Variants in PIK3C2G observed in about 807,000 individuals in gnomAD.
The protein encoded by PIK3C2G is phosphatidylinositol-4-phosphate 3-kinase catalytic subunit type 2 gamma.
A neutral mutation model predicts 181.1 loss-of-function variants in PIK3C2G; 168 were observed. The observed-to-expected ratio is 0.93, with a 90% CI of 0.82 to 1.05. The LOEUF (loss-of-function observed/expected upper bound fraction) is 1.05. Among genes scored for constraint, PIK3C2G ranks in the 50% least tolerant of loss-of-function variants. The probability of loss-of-function intolerance (pLI) is 0.00; values close to 1 mark genes in which losing one functional copy is unlikely to be tolerated. For missense variants in PIK3C2G, 1,869 were observed against 1,732.8 expected (o/e 1.08, Z -1.40); for synonymous variants, 573 against 592.2 (o/e 0.97, Z 0.47).
At chr12:18,440,326 T>G (rs187009552) in intron 18 of PIK3C2G, among the ~76,000 whole-genome samples, 2 of 152,082 alleles carry the variant, frequency 1.3e-5, no homozygotes, top group East Asian at 3.9e-4. Flanking sequence ...TTCAGGGATA[T>G]AGCAATGAAT....
the PIK3C2G span, among the ~76,000 whole-genome samples, chr12:18,700,512 C>CAAAAAAAAAAA: frequency 3.3e-3 from 223 of 67,840 alleles, 19 homozygotes; most frequent in East Asian, 5.4e-3. Flanking sequence ...AGCCAACGTA[C>CAAAAAAAAAAA]AAAAAAAAAA....
At chr12:18,701,146 G>A in the PIK3C2G span, among the ~76,000 whole-genome samples, 1 of 151,784 alleles carries the variant, frequency 6.6e-6, no homozygotes, top group Non-Finnish European at 1.5e-5. Flanking sequence ...CACCATGCCC[G>A]GCTAATTTTT....
intron 24 of PIK3C2G, among the ~76,000 whole-genome samples, chr12:18,534,633 T>C (rs1943742766): frequency 6.6e-6 from 1 of 151,470 alleles, no homozygotes; most frequent in South Asian, 2.1e-4. Flanking sequence ...GTTAAGACTA[T>C]ATAAAAGGAA....
chr12:18,616,149 T>C (rs765906076), intron 31 of PIK3C2G, among the ~76,000 whole-genome samples: 1 of 152,094 alleles, frequency 6.6e-6, no homozygotes, highest in South Asian at 2.1e-4. Flanking sequence ...ACCTTTCTTT[T>C]CTTTGGAAAC....
At chr12:18,333,206 G>A (rs1262227548) in intron 8 of PIK3C2G, among the ~76,000 whole-genome samples, 1 of 152,012 alleles carries the variant, frequency 6.6e-6, no homozygotes, top group Non-Finnish European at 1.5e-5. Flanking sequence ...TCTCAGCGGG[G>A]TTCAGAAAAA....
At chr12:18,370,532 G>T (rs1159688344) in intron 12 of PIK3C2G, among the ~76,000 whole-genome samples, 1 of 152,082 alleles carries the variant, frequency 6.6e-6, no homozygotes, top group African/African-American at 2.4e-5. Flanking sequence ...TCTACACTTT[G>T]GCTGTTATCT....
intron 31 of PIK3C2G, among the ~76,000 whole-genome samples, chr12:18,613,983 T>G (rs1948473406): frequency 6.6e-6 from 1 of 152,116 alleles, no homozygotes; most frequent in South Asian, 2.1e-4. Flanking sequence ...ATGTTCTGCA[T>G]ATCTTTTTAA....
intron 4 of PIK3C2G, among the ~76,000 whole-genome samples, chr12:18,293,456 A>C (rs1949797832): frequency 6.6e-6 from 1 of 152,172 alleles, no homozygotes; most frequent in African/African-American, 2.4e-5. Context: ...GTTAATTCAG[A>C]ATCTTTTATC....
chr12:18,580,546 G>T (rs369036729), intron 29 of PIK3C2G, among the ~76,000 whole-genome samples: 1 of 152,092 alleles, frequency 6.6e-6, no homozygotes, highest in South Asian at 2.1e-4. Context: ...TATGTTGCAC[G>T]CAGGATAAAT....
chr12:18,555,305 C>A (rs1411829586), intron 26 of PIK3C2G, among the ~76,000 whole-genome samples: 1 of 152,058 alleles, frequency 6.6e-6, no homozygotes, highest in Admixed American at 6.6e-5. Flanking sequence ...GCTCATAAAG[C>A]AGCGAAAAAT....
chr12:18,575,591 G>T (rs1226120909), intron 29 of PIK3C2G, among the ~76,000 whole-genome samples: 1 of 152,076 alleles, frequency 6.6e-6, no homozygotes, highest in African/African-American at 2.4e-5. Flanking sequence ...TTGTGTCAAA[G>T]GGCAACTGCC....
intron 13 of PIK3C2G, among the ~76,000 whole-genome samples, chr12:18,379,706 A>G (rs545514710): frequency 6.6e-6 from 1 of 152,178 alleles, no homozygotes; most frequent in Non-Finnish European, 1.5e-5. Context: ...TCTGCAGCTC[A>G]TGACTGGGGC....
intron 31 of PIK3C2G, among the ~76,000 whole-genome samples, chr12:18,627,254 CT>C (rs1210869090): frequency 2.6e-5 from 4 of 151,960 alleles, no homozygotes; most frequent in African/African-American, 4.8e-5. Context: ...CTTTCTCAAA[CT>C]TCTCATTTTG....
At chr12:18,621,550 GTTA>G (rs1189827754) in intron 31 of PIK3C2G, among the ~76,000 whole-genome samples, 6 of 151,348 alleles carry the variant, frequency 4.0e-5, no homozygotes, top group Admixed American at 6.6e-5. Context: ...ATATATATAT[GTTA>G]TTAACATACA....
chr12:18,362,765 T>C lies in PIK3C2G; in HGVS notation c.1627T>C (p.Tyr543His), dbSNP rs944024280. Residue 543 changes from tyrosine to histidine, a missense_variant and splice_region_variant, in exon 12 of 33, where the codon TAC (tyrosine) becomes CAC (histidine). Physicochemically the swap from Tyr to His is moderately conservative, Grantham distance 83. Transcript: ENST00000538779. Reference sequence around the variant, plus strand: ...TGAATTGATGTTGTTTCATTTTAGCTACAAAGCGTTTTCTTTTACCTGTTG... The same window carrying C: ...TGAATTGATGTTGTTTCATTTTAGCCACAAAGCGTTTTCTTTTACCTGTTG... ...HNIPETWVHS[Y>H]KAFSFTCWLT... The C allele has an allele frequency of 6.6e-7, 1 of 1,513,758 alleles. No homozygotes were observed. The highest frequency in any genetic ancestry group is 2.2e-5 in the Admixed American group (1 of 44,812). The allele number at this position is 1,513,758 out of a possible 1,614,324, so 93.8% of individuals were successfully genotyped here.
intron 18 of PIK3C2G, among the ~76,000 whole-genome samples, chr12:18,484,397 A>G (rs1372348475): frequency 6.6e-6 from 1 of 152,300 alleles, no homozygotes; most frequent in East Asian, 1.9e-4. Context: ...GGCTCCTCTC[A>G]TATATTTAAG....
At position 18,300,742 on chromosome 12, in the gene PIK3C2G, G is replaced by A. The variant is rs113552007; in HGVS notation, c.1034+6727G>A. 1.4e-3 allele frequency among the ~76,000 whole-genome samples: 214 copies of A among 152,090 alleles called. 1 individual carries two copies. The highest frequency in any genetic ancestry group is 4.7e-3 in the African/African-American group (194 of 41,506). On this transcript the variant is annotated intron_variant, in intron 5 of 32. Coordinates refer to ENST00000538779, the MANE Select transcript of PIK3C2G (RefSeq NM_001288772.2). ...TGCCACTTGGTGGTTTTCTGCAGGC[G>A]TAATATTTTAGTTCTTTTTCTTTCT...
chr12:18,681,507 A>G, the PIK3C2G span, among the ~76,000 whole-genome samples: 1 of 152,172 alleles, frequency 6.6e-6, no homozygotes, highest in East Asian at 1.9e-4. Flanking sequence ...CTGACTCTGG[A>G]GTTTTACATG....
intron 6 of PIK3C2G, among the ~76,000 whole-genome samples, chr12:18,314,894 T>C (rs183367242): frequency 1.3e-5 from 2 of 152,314 alleles, no homozygotes; most frequent in African/African-American, 4.8e-5. Context: ...ACTTTCATAA[T>C]ATATATAATA....
Sources: allele counts gnomAD v4.1 joint callset (sites outside exome capture counted in the v4.1 genomes callset), GRCh38; gene constraint gnomAD v4.1.1; transcripts MANE v1.5; gene names NCBI Gene and HGNC (gene_info 2026-07-23, HGNC 2026-07-21).